DPP10: variants seen among roughly 807,000 people sequenced by gnomAD.
The protein encoded by DPP10 is dipeptidyl peptidase like 10.
A neutral mutation model predicts 120.9 loss-of-function variants in DPP10; 33 were observed. The observed-to-expected ratio is 0.27, with a 90% CI of 0.21 to 0.37. The LOEUF (loss-of-function observed/expected upper bound fraction) is 0.37. Among genes scored for constraint, DPP10 ranks in the 10% least tolerant of loss-of-function variants. The pLI is 1.00. For synonymous variants in DPP10, 337 were observed against 326.1 expected, an observed-to-expected ratio of 1.03 and a Z score of -0.36; for missense variants, 816 against 942.8, an observed-to-expected ratio of 0.87 and a Z score of 1.76.
At chr2:115,573,311 CT>C (rs2081449491) in intron 5 of DPP10, among the ~76,000 whole-genome samples, 2 of 112,806 alleles carry the variant, frequency 1.8e-5, no homozygotes, top group African/African-American at 6.9e-5. Context: ...GAGAAGGAGT[CT>C]TGCTCTGTCG....
chr2:115,756,413 T>C (rs1339903427), intron 11 of DPP10, among the ~76,000 whole-genome samples: 3 of 152,110 alleles, frequency 2.0e-5, no homozygotes, highest in African/African-American at 7.2e-5. Flanking sequence ...ATTACACATT[T>C]TTTACATGTA....
chr2:114,616,637 A>C (rs2105310791), intron 1 of DPP10, among the ~76,000 whole-genome samples: 1 of 152,236 alleles, frequency 6.6e-6, no homozygotes, highest in African/African-American at 2.4e-5. Flanking sequence ...ACGGTTAAGG[A>C]AAGAAGCTGG....
intron 1 of DPP10, among the ~76,000 whole-genome samples, chr2:114,583,491 A>C (rs1430114): frequency 0.25 from 38,192 of 152,192 alleles, 5,026 homozygotes; most frequent in Non-Finnish European, 0.28. Flanking sequence ...TATTAAGCAC[A>C]GAATTGAATA....
chr2:115,771,911 T>A (rs1184443716), intron 13 of DPP10, among the ~76,000 whole-genome samples: 1 of 152,316 alleles, frequency 6.6e-6, no homozygotes, highest in East Asian at 1.9e-4. Context: ...ATAAAAATCA[T>A]TAATTAGAGA....
chr2:115,532,335 G>A (rs2078519662), intron 5 of DPP10, among the ~76,000 whole-genome samples: 1 of 151,914 alleles, frequency 6.6e-6, no homozygotes, highest in Non-Finnish European at 1.5e-5. Context: ...TGCAGAGCTG[G>A]GAGTGAATTT....
At chr2:115,332,547 C>G (rs558539165) in intron 2 of DPP10, among the ~76,000 whole-genome samples, 37 of 152,148 alleles carry the variant, frequency 2.4e-4, no homozygotes, top group African/African-American at 8.9e-4. Context: ...TTCCTTCTTT[C>G]TCTTGTGGGC....
rs149146861 is a variant in DPP10 at position 115,309,287 on chromosome 2, A to G, written c.109A>G (p.Ile37Val). 24 of 1,613,422 alleles carry G rather than the reference A, an allele frequency of 1.5e-5. No homozygotes were observed. The highest frequency in any genetic ancestry group is 5.0e-5 in the Admixed American group (3 of 59,964). ...PPQRNWKGIA[I>V]ALLVILVVCS... is the part of the protein sequence containing the mutation. ...ACAGAGAAACTGGAAGGGAATTGCT[A>G]TTGCTCTGCTGGTGATTTTAGTTGT... Residue 37 changes from isoleucine (I) to valine (V), a missense_variant, in exon 2 of 26, where the codon ATT (isoleucine) becomes GTT (valine). Transcript: ENST00000410059.
intron 1 of DPP10, among the ~76,000 whole-genome samples, chr2:114,584,975 A>G (rs910588573): frequency 6.6e-6 from 1 of 152,216 alleles, no homozygotes; most frequent in Non-Finnish European, 1.5e-5. Flanking sequence ...AAAAATTATC[A>G]GACTTAGAAC....
Position 115,424,818 on chromosome 2 carries a change from A to G in DPP10, c.272-74692A>G, listed in dbSNP as rs144700719. On this transcript the variant is annotated intron_variant, in intron 3 of 25. Transcript: ENST00000410059. Reference sequence around the variant, plus strand: ...CATTGGTACCAGTCACTAAGATAAAAGGCATATTATTTATTCCTAAGATCA... The same window carrying G: ...CATTGGTACCAGTCACTAAGATAAAGGGCATATTATTTATTCCTAAGATCA... 6.6e-5 allele frequency among the ~76,000 whole-genome samples: 10 copies of G among 152,306 alleles called. No individual in the cohort carries two copies. The East Asian group carries it at 1.9e-3, about 29-fold the overall frequency.
intron 2 of DPP10, among the ~76,000 whole-genome samples, chr2:115,332,167 C>A (rs1389645157): frequency 2.0e-5 from 3 of 152,052 alleles, no homozygotes; most frequent in African/African-American, 7.2e-5. Context: ...GTGTGTGTGT[C>A]CAGGAATTTA....
At chr2:115,288,322 A>G (rs551585743) in intron 1 of DPP10, among the ~76,000 whole-genome samples, 52 of 151,690 alleles carry the variant, frequency 3.4e-4, no homozygotes, top group Non-Finnish European at 2.4e-4. Context: ...GGCCATTTGT[A>G]TAACTTCTTT....
intron 5 of DPP10, among the ~76,000 whole-genome samples, chr2:115,601,814 C>T (rs1272552985): frequency 1.3e-5 from 2 of 151,068 alleles, no homozygotes; most frequent in African/African-American, 4.9e-5. Flanking sequence ...GCTGGTATTG[C>T]AGGTACGCAC....
At position 114,462,563 on chromosome 2, in the gene DPP10, G is replaced by A. The variant is rs1217619766; in HGVS notation, c.60+19725G>A. Among the ~76,000 whole-genome samples the A allele has an allele frequency of 4.6e-5, 7 of 152,280 alleles. No individual in the cohort carries two copies. In the South Asian group the frequency reaches 1.2e-3, roughly 27 times the overall value. ...GACTGGGGTTATGGGCTTTGGGGAGGAAAACTTCAGAAGGGATATACTATT... is the reference window on the plus strand; with the variant it reads ...GACTGGGGTTATGGGCTTTGGGGAGAAAAACTTCAGAAGGGATATACTATT... On this transcript the variant is annotated intron_variant, in intron 1 of 25. Coordinates refer to ENST00000410059, the MANE Select transcript of DPP10 (RefSeq NM_020868.6).
At chr2:115,041,878 C>T (rs569752894) in intron 1 of DPP10, among the ~76,000 whole-genome samples, 6 of 152,162 alleles carry the variant, frequency 3.9e-5, no homozygotes, top group Admixed American at 3.3e-4. Flanking sequence ...TGTAACACAA[C>T]AAAAATGCCA....
intron 1 of DPP10, among the ~76,000 whole-genome samples, chr2:114,662,243 C>G (rs1217336500): frequency 2.0e-5 from 3 of 152,190 alleles, no homozygotes; most frequent in African/African-American, 7.2e-5. Flanking sequence ...ACTGGAAAAG[C>G]AGACACGCAA....
chr2:114,628,148 G>A (rs538772446), intron 1 of DPP10, among the ~76,000 whole-genome samples: 3 of 152,186 alleles, frequency 2.0e-5, no homozygotes, highest in South Asian at 4.1e-4. Context: ...TTTGTGACAG[G>A]TGACATTATT....
At chr2:115,377,173 G>A (rs2065877312) in intron 3 of DPP10, among the ~76,000 whole-genome samples, 1 of 152,108 alleles carries the variant, frequency 6.6e-6, no homozygotes, top group African/African-American at 2.4e-5. Flanking sequence ...CACCAACAGT[G>A]TAAAAGTGTT....
At chr2:115,308,009 T>C (rs2061427931) in intron 1 of DPP10, among the ~76,000 whole-genome samples, 1 of 152,104 alleles carries the variant, frequency 6.6e-6, no homozygotes, top group Non-Finnish European at 1.5e-5. Context: ...AAGACTAACT[T>C]AGAGCGATTT....
Position 114,809,041 on chromosome 2 carries a change from A to T in DPP10, c.60+366203A>T, listed in dbSNP as rs557851229. Among the ~76,000 whole-genome samples, 107 of 151,642 alleles carry T rather than the reference A, an allele frequency of 7.1e-4. 1 individual carries two copies. Among genetic ancestry groups the T allele is most frequent in the African/African-American group, 2.5e-3 (103 of 41,386 alleles). Reference sequence around the variant, plus strand: ...AATGCATTTTTATAATTAATTAAGTAATTGAGTAAACTTACCTAGCTGTGT... The same window carrying T: ...AATGCATTTTTATAATTAATTAAGTTATTGAGTAAACTTACCTAGCTGTGT... On this transcript the variant is annotated intron_variant, in intron 1 of 25. Coordinates refer to ENST00000410059, the MANE Select transcript of DPP10 (RefSeq NM_020868.6).
Sources: gnomAD v4.1 joint callset for allele counts (sites outside exome capture counted in the v4.1 genomes callset) on GRCh38, gnomAD v4.1.1 for gene constraint, MANE v1.5 for transcripts, NCBI Gene and HGNC (gene_info 2026-07-23, HGNC 2026-07-21) for gene names.